Variants in MACROD2 observed in about 807,000 individuals in gnomAD.
MACROD2 encodes the protein ADP-ribose glycohydrolase MACROD2.
Under a neutral mutation model 70.4 loss-of-function variants are expected in MACROD2, and 36 were observed. The ratio of observed to expected loss-of-function variants is 0.51; its 90% CI spans 0.39 to 0.68. The LOEUF is 0.68. Among genes scored for constraint, MACROD2 ranks in the 30% least tolerant of loss-of-function variants. The pLI, the probability that MACROD2 is intolerant of heterozygous loss-of-function variation, is 0.00. For missense variants in MACROD2, 496 were observed against 538.4 expected, an observed-to-expected ratio of 0.92 and a Z score of 0.78; for synonymous variants, 172 against 178.8, an observed-to-expected ratio of 0.96 and a Z score of 0.30.
intron 4 of MACROD2, among the ~76,000 whole-genome samples, chr20:14,604,551 A>G (rs903400622): frequency 6.6e-6 from 1 of 152,222 alleles, no homozygotes; most frequent in Non-Finnish European, 1.5e-5. Flanking sequence ...CATAAGCCTC[A>G]GGCTGGAATC....
At chr20:14,943,833 G>A (rs927165203) in intron 5 of MACROD2, among the ~76,000 whole-genome samples, 3 of 152,098 alleles carry the variant, frequency 2.0e-5, no homozygotes, top group Non-Finnish European at 4.4e-5. Context: ...AGATAGTATC[G>A]TTCAGTCAGA....
At chr20:14,512,877 T>G (rs750743036) in intron 4 of MACROD2, among the ~76,000 whole-genome samples, 4 of 152,100 alleles carry the variant, frequency 2.6e-5, no homozygotes, top group Non-Finnish European at 4.4e-5. Flanking sequence ...GCCAGAGCCC[T>G]AAGTTGTTGT....
intron 5 of MACROD2, among the ~76,000 whole-genome samples, chr20:14,792,491 T>C (rs1337147518): frequency 6.6e-6 from 1 of 152,082 alleles, no homozygotes; most frequent in Non-Finnish European, 1.5e-5. Context: ...TATGTGGATA[T>C]GAAAAATCAT....
At chr20:14,794,007 G>A (rs1038543621) in intron 5 of MACROD2, among the ~76,000 whole-genome samples, 1 of 152,054 alleles carries the variant, frequency 6.6e-6, no homozygotes, top group Non-Finnish European at 1.5e-5. Context: ...TGAAGAGGAG[G>A]TGTAGCTTCA....
At chr20:15,234,388 T>G (rs2076995468) in intron 6 of MACROD2, among the ~76,000 whole-genome samples, 1 of 151,940 alleles carries the variant, frequency 6.6e-6, no homozygotes, top group Non-Finnish European at 1.5e-5. Flanking sequence ...AGGCAAAATT[T>G]AAGGCACCAT....
At chr20:15,306,129 TGAA>T (rs2077695650) in intron 6 of MACROD2, among the ~76,000 whole-genome samples, 1 of 152,216 alleles carries the variant, frequency 6.6e-6, no homozygotes, top group Admixed American at 6.5e-5. Flanking sequence ...GTTTTCTTGA[TGAA>T]GAAGGTGGAG....
intron 5 of MACROD2, among the ~76,000 whole-genome samples, chr20:15,153,370 TTGAGCCAGGA>T (rs1168186297): frequency 2.6e-5 from 4 of 151,976 alleles, no homozygotes; most frequent in African/African-American, 9.7e-5. Flanking sequence ...AGGGGAGCTT[TTGAGCCAGGA>T]TGAGCCAGGA....
At chr20:15,420,286 G>A (rs1376584566) in intron 6 of MACROD2, among the ~76,000 whole-genome samples, 4 of 152,188 alleles carry the variant, frequency 2.6e-5, no homozygotes, top group Non-Finnish European at 5.9e-5. Flanking sequence ...ACTGCATGGA[G>A]TCGAATAGTT....
chr20:15,004,099 T>C (rs2075017144), intron 5 of MACROD2, among the ~76,000 whole-genome samples: 1 of 152,148 alleles, frequency 6.6e-6, no homozygotes, highest in African/African-American at 2.4e-5. Flanking sequence ...AAAAAAGGCC[T>C]AACCGGGGAG....
intron 5 of MACROD2, among the ~76,000 whole-genome samples, chr20:15,215,255 T>TGTGTGC (rs2076800414): frequency 8.8e-6 from 1 of 113,522 alleles, no homozygotes; most frequent in Admixed American, 9.0e-5. Flanking sequence ...CTGTATTTTG[T>TGTGTGC]GTGTGTGTGT....
intron 5 of MACROD2, among the ~76,000 whole-genome samples, chr20:15,214,505 T>C (rs2076791834): frequency 6.6e-6 from 1 of 152,146 alleles, no homozygotes; most frequent in Non-Finnish European, 1.5e-5. Context: ...ATGGTCATCA[T>C]AGCAAGATTC....
intron 8 of MACROD2, among the ~76,000 whole-genome samples, chr20:15,679,236 C>CAAAA (rs35869757): frequency 4.6e-5 from 5 of 109,356 alleles, no homozygotes; most frequent in Non-Finnish European, 9.8e-5. Context: ...GACTCCATCT[C>CAAAA]AAAAAAAAAA....
At chr20:15,403,437 G>A (rs1221110859) in intron 6 of MACROD2, among the ~76,000 whole-genome samples, 1 of 135,928 alleles carries the variant, frequency 7.4e-6, no homozygotes, top group East Asian at 1.9e-4. Context: ...GGAGGAGGAG[G>A]AGGACGAGGA....
At chr20:14,395,305 T>C (rs1230929418) in intron 3 of MACROD2, among the ~76,000 whole-genome samples, 1 of 152,124 alleles carries the variant, frequency 6.6e-6, no homozygotes, top group Non-Finnish European at 1.5e-5. Flanking sequence ...TATTTGTATT[T>C]TTTGAGCAAG....
intron 3 of MACROD2, among the ~76,000 whole-genome samples, chr20:14,327,991 AAACC>A (rs1220845672): frequency 6.6e-6 from 1 of 152,060 alleles, no homozygotes; most frequent in Non-Finnish European, 1.5e-5. Context: ...TGTTATCAAA[AAACC>A]ACACATTTTT....
chr20:14,623,462 G>A (rs1191322670), intron 4 of MACROD2, among the ~76,000 whole-genome samples: 1 of 152,168 alleles, frequency 6.6e-6, no homozygotes, highest in East Asian at 1.9e-4. Context: ...GGGAGATGGT[G>A]TTAACATATT....
chr20:14,325,943 A>G (rs2082726061), intron 3 of MACROD2: 1 of 1,613,890 alleles, frequency 6.2e-7, no homozygotes, highest in East Asian at 2.2e-5. Context: ...GGGTTTTTGT[A>G]AGGTTCTTTC....
At position 14,653,500 on chromosome 20, in the gene MACROD2, G is replaced by C. The variant is rs375074072; in HGVS notation, c.302-31343G>C. Among the ~76,000 whole-genome samples, 11 of 148,664 alleles carry C rather than the reference G, an allele frequency of 7.4e-5. No individual in the cohort carries two copies. The East Asian group carries it at 1.6e-3, about 22-fold the overall frequency. On this transcript the variant is annotated intron_variant, in intron 4 of 17. Coordinates refer to ENST00000684519, the MANE Select transcript of MACROD2 (RefSeq NM_001351661.2). ...CCCAAAGTGCTGGGACTGCAGGCGT[G>C]AGCCACCAAGCCCGGCTGCAATTTT...
At chr20:15,375,029 C>A (rs1365237794) in intron 6 of MACROD2, among the ~76,000 whole-genome samples, 1 of 152,166 alleles carries the variant, frequency 6.6e-6, no homozygotes, top group Non-Finnish European at 1.5e-5. Context: ...GATGAGCTTT[C>A]ATTATTTCCT....
Sources: gnomAD v4.1 joint callset for allele counts (sites outside exome capture counted in the v4.1 genomes callset) on GRCh38, gnomAD v4.1.1 for gene constraint, MANE v1.5 for transcripts, NCBI Gene and HGNC (gene_info 2026-07-23, HGNC 2026-07-21) for gene names.